Variants in GRIK2 observed in about 807,000 individuals in gnomAD.
GRIK2 encodes the protein glutamate ionotropic receptor kainate type subunit 2, also known as glutamate receptor ionotropic, kainate 2.
GRIK2 carries 32 observed loss-of-function variants against 100.3 expected under a neutral mutation model. That is an observed-to-expected ratio of 0.32 (90% confidence interval 0.24 to 0.43). GRIK2 has a LOEUF of 0.43. Ranked by LOEUF, GRIK2 falls within the 20% of genes least tolerant of loss-of-function variation. The pLI, the probability that GRIK2 is intolerant of heterozygous loss-of-function variation, is 1.00. For missense variants in GRIK2, 843 were observed against 1,114.9 expected, an observed-to-expected ratio of 0.76 and a Z score of 3.47; for synonymous variants, 417 against 389.4, an observed-to-expected ratio of 1.07 and a Z score of -0.83.
chr6:102,035,360 A>G lies in GRIK2; in HGVS notation c.2105A>G (p.Tyr702Cys). Reference protein sequence around the residue: ...TFFKKSKISTYDKMWAFMSSR... With the variant: ...TFFKKSKISTCDKMWAFMSSR... ...CTTCAGAAATCAAAAATCTCCACGT[A>G]TGACAAAATGTGGGCCTTTATGAGT... The change falls in exon 15 of 17, where the codon TAT becomes TGT. Residue 702 changes from tyrosine to cysteine, a missense_variant. Physicochemically the swap from Tyr to Cys is radical, Grantham distance 194. Coordinates refer to ENST00000369134, the MANE Select transcript of GRIK2 (RefSeq NM_021956.5). 1 of 1,600,646 alleles carries G rather than the reference A, an allele frequency of 6.2e-7. No homozygotes were observed.
chr6:101,805,597 T>A (rs1780948664), intron 9 of GRIK2, among the ~76,000 whole-genome samples: 1 of 152,004 alleles, frequency 6.6e-6, no homozygotes, highest in Non-Finnish European at 1.5e-5. Flanking sequence ...ATTTAGTAGG[T>A]TAATCTTCTA....
chr6:102,069,027 G>A lies in GRIK2; in HGVS notation c.*516G>A, dbSNP rs575893246. 4 of 152,112 alleles carry A rather than the reference G, an allele frequency of 2.6e-5. No individual in the cohort carries two copies. The highest frequency in any genetic ancestry group is 9.6e-5 in the African/African-American group (4 of 41,508). 9.4% of individuals were successfully genotyped at this position (152,112 alleles called of 1,614,324 possible). ...AGTATAATTATTGTCTGAATGCAAA[G>A]TATGTGTTTATAGGATGTGAAAAAA... On this transcript the variant is annotated 3_prime_UTR_variant, in exon 17 of 17. Coordinates refer to ENST00000369134, the MANE Select transcript of GRIK2 (RefSeq NM_021956.5).
At chr6:101,854,925 GAGAT>G (rs1366631766) in intron 10 of GRIK2, among the ~76,000 whole-genome samples, 4 of 152,036 alleles carry the variant, frequency 2.6e-5, no homozygotes, top group African/African-American at 9.7e-5. Flanking sequence ...AATAAATAAT[GAGAT>G]AGATAATAAC....
chr6:101,704,297 G>A (rs1026521103), intron 7 of GRIK2, among the ~76,000 whole-genome samples: 2 of 151,736 alleles, frequency 1.3e-5, no homozygotes, highest in Non-Finnish European at 2.9e-5. Context: ...TAGAATGGAA[G>A]TAAGGGAATG....
chr6:102,047,209 A>T (rs1031345250), intron 15 of GRIK2, among the ~76,000 whole-genome samples: 1 of 152,092 alleles, frequency 6.6e-6, no homozygotes, highest in Non-Finnish European at 1.5e-5. Context: ...TAAAGATCAG[A>T]ACAGAAATAC....
intron 2 of GRIK2, among the ~76,000 whole-genome samples, chr6:101,429,528 G>A (rs1007382578): frequency 2.6e-5 from 4 of 152,072 alleles, no homozygotes; most frequent in African/African-American, 9.7e-5. Flanking sequence ...AGTACCAAGA[G>A]CCTAAAAAGA....
chr6:101,908,134 A>C (rs1273475235), intron 12 of GRIK2, among the ~76,000 whole-genome samples: 2 of 151,508 alleles, frequency 1.3e-5, no homozygotes, highest in East Asian at 3.9e-4. Context: ...GTAAAGATTA[A>C]ATTTAGAAGA....
At chr6:101,874,175 C>T (rs1371212428) in intron 11 of GRIK2, among the ~76,000 whole-genome samples, 1 of 152,080 alleles carries the variant, frequency 6.6e-6, no homozygotes, top group Non-Finnish European at 1.5e-5. Context: ...CTTGCCTATG[C>T]CTATGTCCTG....
intron 15 of GRIK2, among the ~76,000 whole-genome samples, chr6:102,041,708 T>TATTA (rs1414229044): frequency 2.0e-5 from 3 of 151,694 alleles, no homozygotes; most frequent in East Asian, 1.9e-4. Context: ...AGATTGAGCA[T>TATTA]ATTATATTTT....
intron 2 of GRIK2, among the ~76,000 whole-genome samples, chr6:101,468,855 T>G (rs1254477841): frequency 1.3e-5 from 2 of 152,194 alleles, no homozygotes; most frequent in African/African-American, 4.8e-5. Flanking sequence ...CATGTCTTCC[T>G]ATGTACTCCT....
intron 2 of GRIK2, among the ~76,000 whole-genome samples, chr6:101,473,289 G>A (rs556998582): frequency 6.6e-6 from 1 of 151,050 alleles, no homozygotes; most frequent in Non-Finnish European, 1.5e-5. Flanking sequence ...ATTTATTTTA[G>A]CTTTGAGGTA....
intron 2 of GRIK2, among the ~76,000 whole-genome samples, chr6:101,423,267 G>T (rs1776506998): frequency 6.6e-6 from 1 of 152,096 alleles, no homozygotes. Flanking sequence ...ACTTAGTTTT[G>T]AATATCAAGA....
At chr6:101,955,617 C>CTCTCTCTCTCTCTCTCTTT (rs1376723314) in intron 14 of GRIK2, among the ~76,000 whole-genome samples, 4 of 116,436 alleles carry the variant, frequency 3.4e-5, no homozygotes, top group Middle Eastern at 9.6e-3. Context: ...TCTCTCTCTC[C>CTCTCTCTCTCTCTCTCTTT]CCCCCATTTC....
intron 7 of GRIK2, among the ~76,000 whole-genome samples, chr6:101,709,476 A>T (rs1773557331): frequency 6.6e-6 from 1 of 151,866 alleles, no homozygotes. Context: ...AATTACAAAG[A>T]TACCTAATAC....
chr6:101,844,014 A>G (rs916859948), intron 10 of GRIK2, among the ~76,000 whole-genome samples: 19 of 152,084 alleles, frequency 1.2e-4, no homozygotes, highest in Non-Finnish European at 1.2e-4. Flanking sequence ...AACATTTTAG[A>G]TATCTATTAA....
At chr6:102,051,251 C>CCCTTCCTTCTTT (rs764711100) in intron 15 of GRIK2, among the ~76,000 whole-genome samples, 16,578 of 122,048 alleles carry the variant, frequency 0.14, 1,576 homozygotes, top group Non-Finnish European at 0.15. Context: ...TTCCCTCCCT[C>CCCTTCCTTCTTT]CCTTCCTTCC....
At chr6:101,851,317 A>T (rs189414981) in intron 10 of GRIK2, among the ~76,000 whole-genome samples, 36 of 152,144 alleles carry the variant, frequency 2.4e-4, no homozygotes, top group Non-Finnish European at 4.7e-4. Context: ...AAATAGCCTA[A>T]TAACTTTTAC....
chr6:101,397,502 A>T (rs1282948025), intron 1 of GRIK2, among the ~76,000 whole-genome samples: 6 of 152,218 alleles, frequency 3.9e-5, no homozygotes, highest in Non-Finnish European at 8.8e-5. Flanking sequence ...CTAGCCATTC[A>T]TGATACTTAT....
At chr6:101,908,876 GT>G (rs1292568480) in intron 12 of GRIK2, among the ~76,000 whole-genome samples, 1 of 151,270 alleles carries the variant, frequency 6.6e-6, no homozygotes, top group Non-Finnish European at 1.5e-5. Context: ...ATGAAAAGGT[GT>G]TTTTATGCCC....
Sources: gnomAD v4.1 joint callset for allele counts (sites outside exome capture counted in the v4.1 genomes callset) on GRCh38, gnomAD v4.1.1 for gene constraint, MANE v1.5 for transcripts, NCBI Gene and HGNC (gene_info 2026-07-23, HGNC 2026-07-21) for gene names.